The following ADHFE1 variants were observed in gnomAD, a reference collection of about 807,000 sequenced individuals.
ADHFE1 encodes alcohol dehydrogenase iron containing 1, also known as hydroxyacid-oxoacid transhydrogenase, mitochondrial.
In ADHFE1, 37 loss-of-function variants were observed where a neutral mutation model predicts 54.8. That is an observed-to-expected ratio of 0.68 (90% CI 0.52 to 0.89). The LOEUF (loss-of-function observed/expected upper bound fraction) is 0.89, where lower values mean the gene tolerates loss of function less well. Ranked by LOEUF, ADHFE1 falls within the 40% of genes least tolerant of loss-of-function variation. ADHFE1 has a pLI of 0.00. For synonymous variants in ADHFE1, 203 were observed against 229.3 expected (o/e 0.89, Z 1.04); for missense variants, 601 against 591.2 (o/e 1.02, Z -0.17).
At chr8:66,441,911 G>T (rs1805765814) in intron 2 of ADHFE1, among the ~76,000 whole-genome samples, 2 of 151,600 alleles carry the variant, frequency 1.3e-5, no homozygotes, top group Non-Finnish European at 2.9e-5. Context: ...GGCGGAGGTT[G>T]CAGTGAGCCG....
chr8:66,453,136 G>A (rs1046206410), intron 9 of ADHFE1, among the ~76,000 whole-genome samples: 1 of 152,192 alleles, frequency 6.6e-6, no homozygotes, highest in Admixed American at 6.5e-5. Context: ...GTTTGACAGG[G>A]ACAGAGGCTT....
At chr8:66,457,981 A>G (rs915996622) in intron 12 of ADHFE1, among the ~76,000 whole-genome samples, 2 of 152,216 alleles carry the variant, frequency 1.3e-5, no homozygotes, top group Non-Finnish European at 2.9e-5. Flanking sequence ...TAGAAACTTT[A>G]TAAAAATATC....
intron 2 of ADHFE1, 54 bp from the exon 3 acceptor site, chr8:66,442,744 A>G: frequency 6.9e-7 from 1 of 1,458,510 alleles, no homozygotes; most frequent in Non-Finnish European, 9.5e-7. Context: ...CTATCAAATA[A>G]CATTTATGCT....
chr8:66,464,249 G>A (rs1807052484), intron 13 of ADHFE1, among the ~76,000 whole-genome samples: 1 of 152,098 alleles, frequency 6.6e-6, no homozygotes, highest in African/African-American at 2.4e-5. Flanking sequence ...TTATGGCAGA[G>A]CTGATATGTA....
intron 1 of ADHFE1, among the ~76,000 whole-genome samples, chr8:66,433,571 A>G (rs1805312176): frequency 6.6e-6 from 1 of 152,004 alleles, no homozygotes; most frequent in African/African-American, 2.4e-5. Context: ...CCAGTGTCAC[A>G]CAGCTAAGCA....
At chr8:66,464,102 T>C (rs1180121262) in intron 13 of ADHFE1, among the ~76,000 whole-genome samples, 1 of 152,264 alleles carries the variant, frequency 6.6e-6, no homozygotes, top group Non-Finnish European at 1.5e-5. Context: ...AATGTTGTTA[T>C]TTCATGAACG....
chr8:66,443,646 T>C (rs1805881159), intron 3 of ADHFE1, among the ~76,000 whole-genome samples: 1 of 149,632 alleles, frequency 6.7e-6, no homozygotes, highest in African/African-American at 2.5e-5. Context: ...GGCTGGGTGA[T>C]GCCATGGTGA....
Position 66,444,418 on chromosome 8 carries a change from A to G in ADHFE1, c.196A>G (p.Met66Val), listed in dbSNP as rs780998612. The change falls in exon 4 of 14, where the codon ATG becomes GTG. Residue 66 changes from methionine to valine, a missense_variant and splice_region_variant. By Grantham distance (21) the Met-to-Val change is conservative (BLOSUM62 1). Coordinates refer to ENST00000396623, the MANE Select transcript of ADHFE1 (RefSeq NM_144650.3). ...YGAAVTKEVG[M>V]DLKNMGAKNV... The stretch of plus-strand genomic sequence containing the variant: ...AGCAGCAGTTACAAAGGAAGTAGGA[A>G]TGGCAAGTATTCGAGATGTCTACGG... The G allele has an allele frequency of 1.2e-6, 2 of 1,613,988 alleles. No individual in the cohort carries two copies. Among genetic ancestry groups the G allele is most frequent in the South Asian group, 1.1e-5 (1 of 91,082 alleles).
intron 6 of ADHFE1, among the ~76,000 whole-genome samples, chr8:66,446,027 A>G (rs1006430119): frequency 6.6e-6 from 1 of 152,036 alleles, no homozygotes; most frequent in African/African-American, 2.4e-5. Flanking sequence ...CTAGCATATT[A>G]CTATTTAAAG....
intron 12 of ADHFE1, among the ~76,000 whole-genome samples, chr8:66,459,275 A>T: frequency 6.6e-6 from 1 of 152,082 alleles, no homozygotes; most frequent in East Asian, 1.9e-4. Flanking sequence ...ATGAGAATGT[A>T]GGGTGCTAAG....
At chr8:66,467,904 T>G (rs2555571) in intron 13 of ADHFE1, among the ~76,000 whole-genome samples, 96,337 of 151,682 alleles carry the variant, frequency 0.64, 31,987 homozygotes, top group African/African-American at 0.83. Context: ...GGTCTTAGAC[T>G]TCGGGGACGA....
chr8:66,451,926 C>T lies in ADHFE1; in HGVS notation c.735-27C>T, dbSNP rs752709302. The T allele has an allele frequency of 6.2e-6, 10 of 1,610,856 alleles. No homozygotes were observed. The East Asian group carries it at 1.3e-4, about 22-fold the overall frequency. ...GAAGGAGGAAGATGACGCTTTCCATCTGTGTACTTTCAATATTTCTTTTTA... is the reference window on the plus strand; with the variant it reads ...GAAGGAGGAAGATGACGCTTTCCATTTGTGTACTTTCAATATTTCTTTTTA... On this transcript the variant is annotated intron_variant, in intron 8 of 13. Transcript: ENST00000396623.
intron 12 of ADHFE1, among the ~76,000 whole-genome samples, chr8:66,459,236 T>C (rs1239550035): frequency 6.6e-6 from 1 of 152,030 alleles, no homozygotes; most frequent in Non-Finnish European, 1.5e-5. Flanking sequence ...GCTTTACTTC[T>C]TGGCAGTGAA....
intron 10 of ADHFE1, among the ~76,000 whole-genome samples, chr8:66,455,117 C>T (rs1240749856): frequency 6.6e-6 from 1 of 152,134 alleles, no homozygotes; most frequent in Non-Finnish European, 1.5e-5. Context: ...TCTCTATGGA[C>T]ATAGGTTTTC....
chr8:66,465,294 A>G (rs1398426769), intron 13 of ADHFE1, among the ~76,000 whole-genome samples: 1 of 152,150 alleles, frequency 6.6e-6, no homozygotes, highest in Non-Finnish European at 1.5e-5. Context: ...GAACTGCTAA[A>G]CTGTTTTCTA....
At chr8:66,441,732 C>T (rs1805754713) in intron 2 of ADHFE1, among the ~76,000 whole-genome samples, 2 of 152,104 alleles carry the variant, frequency 1.3e-5, no homozygotes, top group South Asian at 2.1e-4. Flanking sequence ...CACGGTGGCT[C>T]ACACCCATAA....
intron 1 of ADHFE1, among the ~76,000 whole-genome samples, chr8:66,433,326 T>C (rs978096049): frequency 3.3e-5 from 5 of 151,964 alleles, no homozygotes; most frequent in African/African-American, 1.2e-4. Context: ...GGAGATGCAG[T>C]CCCAGGACAC....
chr8:66,449,727 A>G (rs1001699466), intron 8 of ADHFE1, among the ~76,000 whole-genome samples: 9 of 152,364 alleles, frequency 5.9e-5, no homozygotes, highest in Admixed American at 6.5e-5. Context: ...CTATGTGCAC[A>G]TGCACATTTT....
At chr8:66,444,827 G>T (rs774696116) in intron 5 of ADHFE1, 79 bp downstream of exon 5, 2 of 1,556,666 alleles carry the variant, frequency 1.3e-6, no homozygotes, top group South Asian at 2.4e-5. Context: ...CCAACCAGGC[G>T]TGGTGGCTCA....
Sources: gnomAD v4.1 joint callset for allele counts (sites outside exome capture counted in the v4.1 genomes callset) on GRCh38, gnomAD v4.1.1 for gene constraint, MANE v1.5 for transcripts, NCBI Gene and HGNC (gene_info 2026-07-23, HGNC 2026-07-21) for gene names.